KDM5A: variants seen among roughly 807,000 people sequenced by gnomAD.
KDM5A encodes the protein lysine demethylase 5A.
In KDM5A, 42 loss-of-function variants were observed where a neutral mutation model predicts 193.5. The observed-to-expected ratio is 0.22, with a 90% CI of 0.17 to 0.28. The LOEUF is 0.28. Ranked by LOEUF, KDM5A falls within the 10% of genes least tolerant of loss-of-function variation. The pLI, the probability that KDM5A is intolerant of heterozygous loss-of-function variation, is 1.00. For missense variants in KDM5A, 1,692 were observed against 2,055.1 expected (o/e 0.82, Z 3.42); for synonymous variants, 796 against 718.1 (o/e 1.11, Z -1.73).
intron 1 of KDM5A, 98 bp from the exon 2 acceptor site, chr12:386,072 C>G (rs1944634382): frequency 1.2e-6 from 1 of 811,550 alleles, no homozygotes; most frequent in Non-Finnish European, 2.1e-6. Flanking sequence ...AATCATGGTG[C>G]TAATAGACTA....
In KDM5A at chr12:389,252, G is replaced by T; in HGVS notation, c.-161C>A. On this transcript the variant is annotated 5_prime_UTR_variant, in exon 1 of 28. Transcript: ENST00000399788. Reference sequence around the variant, plus strand: ...AACCCCAGAATCGCTTCCTCCTCCCGTTTGTTATTGTTTCTTGCAAGGCTT... The same window carrying T: ...AACCCCAGAATCGCTTCCTCCTCCCTTTTGTTATTGTTTCTTGCAAGGCTT... The T allele has an allele frequency of 1.3e-6, 1 of 756,722 alleles. No individual in the cohort carries two copies. The highest frequency in any genetic ancestry group is 2.3e-6 in the Non-Finnish European group (1 of 429,792). 46.9% of individuals were successfully genotyped at this position (756,722 alleles called of 1,614,324 possible).
At chr12:388,485 A>C in intron 1 of KDM5A, 1 of 365,558 alleles carries the variant, frequency 2.7e-6, no homozygotes. Context: ...ATCCGGTGAG[A>C]CTAGAGCTCA....
intron 27 of KDM5A, among the ~76,000 whole-genome samples, chr12:287,212 T>C (rs1409855279): frequency 6.6e-6 from 1 of 152,098 alleles, no homozygotes; most frequent in Non-Finnish European, 1.5e-5. Flanking sequence ...AATCATCTAT[T>C]GTGTTTGTTT....
At chr12:321,261 T>C (rs1195266050) in intron 17 of KDM5A, 152 bp from the exon 18 acceptor site, 4 of 657,106 alleles carry the variant, frequency 6.1e-6, no homozygotes, top group African/African-American at 1.8e-5. Context: ...TTCAAAACAG[T>C]TGAGTTATTC....
chr12:353,124 C>T (rs1185016355), intron 8 of KDM5A, among the ~76,000 whole-genome samples: 1 of 151,960 alleles, frequency 6.6e-6, no homozygotes, highest in African/African-American at 2.4e-5. Flanking sequence ...GCAGGTGGAC[C>T]ACTTGAGTCC....
At position 389,228 on chromosome 12, in the gene KDM5A, AC is replaced by A; in HGVS notation, c.-138del. The A allele has an allele frequency of 1.2e-6, 1 of 852,360 alleles. No individual in the cohort carries two copies. Among genetic ancestry groups the A allele is most frequent in the East Asian group, 2.5e-5 (1 of 40,502 alleles). The allele number at this position is 852,360 out of a possible 1,614,324, so 52.8% of individuals were successfully genotyped here. A position where few individuals can be genotyped will look rare whatever the true frequency, so the allele number is the denominator to read the frequency against. On this transcript the variant is annotated 5_prime_UTR_variant, in exon 1 of 28. Coordinates refer to ENST00000399788, the MANE Select transcript of KDM5A (RefSeq NM_001042603.3). ...CGGACAAGAACCGTTCAACACAGAAACCCCAGAATCGCTTCCTCCTCCCGTT... is the reference window on the plus strand; with the variant it reads ...CGGACAAGAACCGTTCAACACAGAAACCCAGAATCGCTTCCTCCTCCCGTT...
At chr12:343,054 C>T (rs1266779522) in intron 10 of KDM5A, among the ~76,000 whole-genome samples, 2 of 152,174 alleles carry the variant, frequency 1.3e-5, no homozygotes, top group African/African-American at 2.4e-5. Context: ...CCTGGAAAAA[C>T]GAGGCACTCC....
chr12:350,635 G>A lies in KDM5A; in HGVS notation c.1294C>T (p.Leu432=). 1.9e-6 allele frequency: 3 copies of A among 1,614,026 alleles called. No individual in the cohort carries two copies. Among genetic ancestry groups the A allele is most frequent in the Non-Finnish European group, 2.5e-6 (3 of 1,179,978 alleles). ...TAAATCTGCACCTCTTCTTCTGGCA[G>A]AATCTTTCTCCGCCCATCCTTCACC... ...FPVKDGRRKI[L]PEEEEYALSG... is the part of the protein sequence containing the mutation. The change falls in exon 10 of 28, where the codon CTG becomes TTG. Residue 432 remains leucine (L), a synonymous_variant. Transcript: ENST00000399788.
At position 309,817 on chromosome 12, in the gene KDM5A, C is replaced by T. The variant is rs1181611177; in HGVS notation, c.3364G>A (p.Asp1122Asn). ...TAATTTCTTACCACCATGGCTGTAT[C>T]TCTGGTTTCCTCCAATCCTTCCTCC... Reference protein sequence around the residue: ...DLEEGLEETRDTAMVVAVFKE... With the variant: ...DLEEGLEETRNTAMVVAVFKE... The change falls in exon 22 of 28, where the codon GAT becomes AAT. Residue 1122 changes from aspartate to asparagine, a missense_variant. By Grantham distance (23) the Asp-to-Asn change is conservative. This residue lies in a region of KDM5A where 965 missense variants were observed against 1,061.0 expected (regional missense o/e 0.91). Coordinates refer to ENST00000399788, the MANE Select transcript of KDM5A (RefSeq NM_001042603.3). 5 of 1,614,040 alleles carry T rather than the reference C, an allele frequency of 3.1e-6. No individual in the cohort carries two copies. Among genetic ancestry groups the T allele is most frequent in the Non-Finnish European group, 4.2e-6 (5 of 1,180,020 alleles).
intron 10 of KDM5A, among the ~76,000 whole-genome samples, chr12:337,808 A>G (rs944992464): frequency 1.3e-5 from 2 of 151,922 alleles, no homozygotes; most frequent in African/African-American, 4.8e-5. Flanking sequence ...ATGCCCGGCT[A>G]ATTTTTGTGT....
rs1943323560 is a variant in KDM5A, at chr12:293,266, G to A, written c.4456-97C>T. The A allele has an allele frequency of 7.5e-6, 8 of 1,062,394 alleles. 1 individual carries two copies. In the South Asian group the frequency reaches 8.8e-5, roughly 12 times the overall value. The allele number at this position is 1,062,394 out of a possible 1,614,324, so 65.8% of individuals were successfully genotyped here. ...GGTACCTAGAATAGACACATTCGGAGAGACAGAAAGTCGAACAGAGGTTAC... is the reference window on the plus strand; with the variant it reads ...GGTACCTAGAATAGACACATTCGGAAAGACAGAAAGTCGAACAGAGGTTAC... On this transcript the variant is annotated intron_variant, in intron 26 of 27. Transcript: ENST00000399788.
rs545859448 is a variant in KDM5A, at chr12:311,627, G to A, written c.3037-563C>T. On this transcript the variant is annotated intron_variant, in intron 20 of 27. Coordinates refer to ENST00000399788, the MANE Select transcript of KDM5A (RefSeq NM_001042603.3). ...CTACTGCCTGAGCCAGGTCAAAAAC[G>A]CATCAAACATAGAAGCTGTCCAGAT... Among the ~76,000 whole-genome samples the A allele has an allele frequency of 5.6e-4, 86 of 152,232 alleles. No homozygotes were observed. The South Asian group carries it at 9.8e-3, about 17-fold the overall frequency.
At chr12:356,952 A>G (rs186265473) in intron 5 of KDM5A, among the ~76,000 whole-genome samples, 1 of 152,292 alleles carries the variant, frequency 6.6e-6, no homozygotes, top group Admixed American at 6.5e-5. Flanking sequence ...AAAAAATTGT[A>G]CTGGAAGCCC....
intron 6 of KDM5A, among the ~76,000 whole-genome samples, chr12:355,802 T>C (rs537449989): frequency 6.6e-6 from 1 of 152,336 alleles, no homozygotes; most frequent in South Asian, 2.1e-4. Context: ...AATTAGTCTT[T>C]GTGACTGTAG....
At chr12:311,694 C>T (rs557499142) in intron 20 of KDM5A, among the ~76,000 whole-genome samples, 1 of 152,064 alleles carries the variant, frequency 6.6e-6, no homozygotes, top group East Asian at 1.9e-4. Context: ...GAAACAGGGG[C>T]AGCTAAGCAG....
chr12:329,897 G>GA (rs1220168953), intron 13 of KDM5A, among the ~76,000 whole-genome samples: 1 of 151,974 alleles, frequency 6.6e-6, no homozygotes, highest in Non-Finnish European at 1.5e-5. Flanking sequence ...ATATAAAAGA[G>GA]AAAAAATAAG....
intron 3 of KDM5A, among the ~76,000 whole-genome samples, chr12:371,063 C>G (rs1445253041): frequency 8.0e-5 from 7 of 87,368 alleles, no homozygotes; most frequent in Admixed American, 5.9e-4. Flanking sequence ...GTGAATAGTG[C>G]CACAATAAAC....
At chr12:384,009 T>C in intron 3 of KDM5A, 22 bp downstream of exon 3, 1 of 1,612,158 alleles carries the variant, frequency 6.2e-7, no homozygotes, top group Non-Finnish European at 8.5e-7. Context: ...TGCTCTAATT[T>C]CTAAACCAGT....
At chr12:361,043 T>C (rs1944287911) in intron 5 of KDM5A, among the ~76,000 whole-genome samples, 1 of 152,158 alleles carries the variant, frequency 6.6e-6, no homozygotes, top group African/African-American at 2.4e-5. Flanking sequence ...AATAGAAAAC[T>C]AGGAATGAAC....
Sources: gnomAD v4.1 joint callset for allele counts (sites outside exome capture counted in the v4.1 genomes callset) on GRCh38, gnomAD v4.1.1 for gene constraint, gnomAD v4.1.1 regional missense constraint, MANE v1.5 for transcripts, NCBI Gene and HGNC (gene_info 2026-07-23, HGNC 2026-07-21) for gene names.